The following RBM4 variants were observed in gnomAD, a reference collection of about 807,000 sequenced individuals.
The protein encoded by RBM4 is RNA binding motif protein 4, also known as RNA-binding protein 4.
A neutral mutation model predicts 29.5 loss-of-function variants in RBM4; 7 were observed. The ratio of observed to expected loss-of-function variants is 0.24; its 90% confidence interval spans 0.14 to 0.45. RBM4 has a LOEUF of 0.45. Ranked by LOEUF, RBM4 falls within the 20% of genes least tolerant of loss-of-function variation. RBM4 has a pLI of 1.00. For missense variants in RBM4, 387 were observed against 502.3 expected (o/e 0.77, Z 2.19); for synonymous variants, 220 against 205.4 (o/e 1.07, Z -0.61).
intron 2 of RBM4, among the ~76,000 whole-genome samples, chr11:66,658,712 A>C (rs1939009680): frequency 6.6e-6 from 1 of 151,988 alleles, no homozygotes; most frequent in Non-Finnish European, 1.5e-5. Context: ...CAAGGTGGGC[A>C]GATCACTTGA....
chr11:66,640,384 T>C, intron 2 of RBM4: 3 of 551,738 alleles, frequency 5.4e-6, no homozygotes, highest in Non-Finnish European at 9.5e-6. Context: ...GCAGAAACCC[T>C]TTTCTTTGAA....
chr11:66,644,234 T>C, intron 3 of RBM4, 94 bp downstream of exon 3: 1 of 1,490,924 alleles, frequency 6.7e-7, no homozygotes. Flanking sequence ...TTGCTTGCTT[T>C]TGCAGGGTTA....
At chr11:66,641,048 G>C (rs901071237) in intron 2 of RBM4, 1 of 152,214 alleles carries the variant, frequency 6.6e-6, no homozygotes, top group Non-Finnish European at 1.5e-5. Context: ...CAGTTCAGGG[G>C]TGGTGATCAT....
chr11:66,645,946 CTTTGTAA>C, intron 3 of RBM4, 74 bp from the exon 4 acceptor site: 1 of 1,534,722 alleles, frequency 6.5e-7, no homozygotes, highest in South Asian at 1.2e-5. Context: ...AGTTATCAGA[CTTTGTAA>C]AGATGTTGAA....
intron 2 of RBM4, among the ~76,000 whole-genome samples, chr11:66,656,741 A>T (rs900130167): frequency 6.6e-6 from 1 of 151,864 alleles, no homozygotes; most frequent in African/African-American, 2.4e-5. Context: ...GTTCACTGCA[A>T]TCTCCACCTC....
At chr11:66,648,944 G>T (rs1009556124), downstream of RBM4, among the ~76,000 whole-genome samples, 2 of 150,562 alleles carry the variant, frequency 1.3e-5, no homozygotes, top group Non-Finnish European at 3.0e-5. Flanking sequence ...ATCTGGCCTG[G>T]TTTAATGCTA....
chr11:66,655,294 CTT>C (rs565194100), intron 2 of RBM4, among the ~76,000 whole-genome samples: 7 of 143,776 alleles, frequency 4.9e-5, no homozygotes, highest in Admixed American at 7.0e-5. Context: ...CACTTCTTTT[CTT>C]TTTTTTTTTT....
chr11:66,640,258 G>T (rs1938381906), intron 2 of RBM4, 135 bp downstream of exon 2: 2 of 1,180,024 alleles, frequency 1.7e-6, no homozygotes, highest in Non-Finnish European at 2.4e-6. Flanking sequence ...GTGGGTGATG[G>T]ACTTCTTATG....
At chr11:66,649,882 ATG>A (rs1454162452), downstream of RBM4, 1 of 580,080 alleles carries the variant, frequency 1.7e-6, no homozygotes, top group African/African-American at 1.9e-5. Flanking sequence ...TCTGGTCAAA[ATG>A]TAGTTTTTCA....
intron 2 of RBM4, chr11:66,640,639 A>G (rs1478203487): frequency 6.1e-6 from 1 of 164,932 alleles, no homozygotes; most frequent in Non-Finnish European, 1.3e-5. Flanking sequence ...ACCTGTACCA[A>G]GGGATTGTAT....
intron 2 of RBM4, among the ~76,000 whole-genome samples, chr11:66,660,129 CTTTTTT>C (rs778565169): frequency 1.6e-5 from 2 of 127,450 alleles, no homozygotes. Context: ...GCCTCAGGGC[CTTTTTT>C]TTTTTTTTTT....
At chr11:66,647,777 T>C (rs1202230469), downstream of RBM4, among the ~76,000 whole-genome samples, 1 of 152,264 alleles carries the variant, frequency 6.6e-6, no homozygotes, top group Non-Finnish European at 1.5e-5. Context: ...CTGGAGCTTC[T>C]ATTCTGAGGG....
exon 3 of RBM4, chr11:66,668,006 C>T (rs1939310088): frequency 6.6e-6 from 1 of 152,632 alleles, no homozygotes; most frequent in South Asian, 2.1e-4. Context: ...CCTCTGCCTT[C>T]AGGTAGCAAT....
chr11:66,644,205 A>G lies in RBM4; in HGVS notation c.*8+65A>G, dbSNP rs148442917. Reference sequence around the variant, plus strand: ...CCCTCCTGCAGCCTAAAGGGCTCCAATTAGGCTGCCCTGCTTGCTTGCTTG... The same window carrying G: ...CCCTCCTGCAGCCTAAAGGGCTCCAGTTAGGCTGCCCTGCTTGCTTGCTTG... On this transcript the variant is annotated intron_variant, in intron 3 of 3. Transcript: ENST00000310092. 250 of 1,538,100 alleles carry G rather than the reference A, an allele frequency of 1.6e-4. No individual in the cohort carries two copies. In the African/African-American group the frequency reaches 2.2e-3, roughly 13 times the overall value.
downstream of RBM4, among the ~76,000 whole-genome samples, chr11:66,649,222 T>TGAGA (rs1938773105): frequency 6.6e-6 from 1 of 152,150 alleles, no homozygotes; most frequent in Admixed American, 6.5e-5. Flanking sequence ...CAAGCTGGTC[T>TGAGA]CAAACTCCTG....
At chr11:66,654,642 C>CA (rs1324246078) in intron 2 of RBM4, among the ~76,000 whole-genome samples, 1 of 151,152 alleles carries the variant, frequency 6.6e-6, no homozygotes, top group African/African-American at 2.4e-5. Flanking sequence ...GCTGGGACTA[C>CA]AGGCACGCAC....
chr11:66,650,865 A>G (rs534179916), downstream of RBM4, among the ~76,000 whole-genome samples: 2 of 152,234 alleles, frequency 1.3e-5, no homozygotes, highest in African/African-American at 4.8e-5. Flanking sequence ...TCCGTCTCAA[A>G]ATAAGTAAAA....
At chr11:66,666,395 C>T in exon 3 of RBM4, 1 of 993,372 alleles carries the variant, frequency 1.0e-6, no homozygotes, top group South Asian at 4.5e-5. Flanking sequence ...ATTTGGATCC[C>T]CAACAGTTCT....
At chr11:66,644,829 C>A in intron 3 of RBM4, 1 of 384,340 alleles carries the variant, frequency 2.6e-6, no homozygotes, top group Non-Finnish European at 3.6e-6. Context: ...CACTCACCTT[C>A]TCTGCCCAGC....
Sources: gnomAD v4.1 joint callset for allele counts (sites outside exome capture counted in the v4.1 genomes callset) on GRCh38, gnomAD v4.1.1 for gene constraint, MANE v1.5 for transcripts, NCBI Gene and HGNC (gene_info 2026-07-23, HGNC 2026-07-21) for gene names.